PSMD11: variants seen among roughly 807,000 people sequenced by gnomAD.
PSMD11 encodes the protein proteasome 26S subunit, non-ATPase 11, also known as 26S proteasome non-ATPase regulatory subunit 11.
In PSMD11, 5 loss-of-function variants were observed where a neutral mutation model predicts 62.3. The ratio of observed to expected loss-of-function variants is 0.08; its 90% CI spans 0.04 to 0.17. The LOEUF is 0.17. PSMD11 is among the 10% of genes least tolerant of loss of function. The probability of loss-of-function intolerance (pLI) is 1.00; values close to 1 mark genes in which losing one functional copy is unlikely to be tolerated. For synonymous variants in PSMD11, 191 were observed against 191.8 expected (o/e 1.00, Z 0.03); for missense variants, 310 against 512.9 (o/e 0.60, Z 3.82).
chr17:32,448,324 A>G (rs991768616), intron 2 of PSMD11, among the ~76,000 whole-genome samples: 1 of 151,876 alleles, frequency 6.6e-6, no homozygotes, highest in South Asian at 2.1e-4. Context: ...TATAAAAAGA[A>G]CCATCCATAA....
chr17:32,476,623 A>T (rs1417633332), intron 8 of PSMD11: 1 of 152,200 alleles, frequency 6.6e-6, no homozygotes, highest in Non-Finnish European at 1.5e-5. Context: ...ATCTCCCAGA[A>T]AGATGAGTGT....
At chr17:32,470,080 A>C (rs1908118246) in intron 6 of PSMD11, among the ~76,000 whole-genome samples, 1 of 151,272 alleles carries the variant, frequency 6.6e-6, no homozygotes, top group South Asian at 2.1e-4. Context: ...TGGTGCAGTC[A>C]CAGCTTACCA....
chr17:32,462,828 G>A (rs549120928), intron 3 of PSMD11, among the ~76,000 whole-genome samples: 11 of 152,120 alleles, frequency 7.2e-5, no homozygotes, highest in South Asian at 6.2e-4. Context: ...CTGGGATTAC[G>A]ATCATGAGCC....
intron 6 of PSMD11, among the ~76,000 whole-genome samples, chr17:32,472,860 T>A (rs1252899276): frequency 2.8e-5 from 4 of 142,406 alleles, no homozygotes; most frequent in Non-Finnish European, 4.6e-5. Context: ...TTTTTTTTTT[T>A]AAGAGACAAG....
intron 5 of PSMD11, among the ~76,000 whole-genome samples, chr17:32,465,496 G>A (rs1191780549): frequency 6.6e-6 from 1 of 152,124 alleles, no homozygotes; most frequent in Non-Finnish European, 1.5e-5. Flanking sequence ...TTAGGTTGAA[G>A]AGTTTCCAAT....
chr17:32,473,819 A>G lies in PSMD11; in HGVS notation c.662A>G (p.Glu221Gly), dbSNP rs765597793. Residue 221 changes from glutamate (E) to glycine (G), a missense_variant, in exon 7 of 14, where the codon GAA becomes GGA. By Grantham distance (98) the Glu-to-Gly change is moderately conservative. Around this residue, in one of 6 missense-constraint regions of PSMD11, gnomAD observed 47 missense variants for 117.7 expected, o/e 0.40. Transcript: ENST00000261712. The stretch of plus-strand genomic sequence containing the variant: ...TGCCCAGGTATTATCCATGCAGCAG[A>G]AGAGAAGGACTGGAAAACTGCGTAC... The part of the protein sequence containing the change: ...DMQSGIIHAA[E>G]EKDWKTAYSY... The G allele has an allele frequency of 6.2e-7, 1 of 1,613,848 alleles. No homozygotes were observed. Among genetic ancestry groups the G allele is most frequent in the Non-Finnish European group, 8.5e-7 (1 of 1,179,730 alleles).
chr17:32,462,801 C>G (rs1293395658), intron 3 of PSMD11, among the ~76,000 whole-genome samples: 1 of 152,140 alleles, frequency 6.6e-6, no homozygotes, highest in South Asian at 2.1e-4. Flanking sequence ...ATTATTCTAC[C>G]TCAGCCTCCC....
intron 2 of PSMD11, among the ~76,000 whole-genome samples, chr17:32,449,127 A>G (rs1460723988): frequency 6.6e-6 from 1 of 152,162 alleles, no homozygotes; most frequent in Non-Finnish European, 1.5e-5. Context: ...GTTGTTAGCC[A>G]GGCGTGATGG....
At position 32,481,359 on chromosome 17, in the gene PSMD11, A is replaced by G; in HGVS notation, c.*607A>G. ...CCGCCACCACCACCACCACTGCAGC[A>G]ACAACAGCAGCAGCAGCAGCAGCGC... On this transcript the variant is annotated 3_prime_UTR_variant, in exon 14 of 14. Coordinates refer to ENST00000261712, the MANE Select transcript of PSMD11 (RefSeq NM_002815.4). 6.2e-6 allele frequency: 1 copy of G among 162,520 alleles called. No individual in the cohort carries two copies. The highest frequency in any genetic ancestry group is 1.4e-5 in the Non-Finnish European group (1 of 73,818). The allele number at this position is 162,520 out of a possible 1,614,324, so 10.1% of individuals were successfully genotyped here.
In PSMD11 at chr17:32,479,876, A is replaced by G. The variant is rs1190284974; in HGVS notation, c.1064A>G (p.Lys355Arg). ...VQIEHISSLI[K>R]LSKADVERKL... Reference sequence around the variant, plus strand: ...ATTGAACACATATCTAGTCTCATCAAACTCTCCAAGGTAAGGAGTCTTAAG... The same window carrying G: ...ATTGAACACATATCTAGTCTCATCAGACTCTCCAAGGTAAGGAGTCTTAAG... Residue 355 changes from lysine (K) to arginine (R), a missense_variant, in exon 11 of 14, where the codon AAA (lysine) becomes AGA (arginine). Lys to Arg is a conservative substitution (Grantham distance 26). Coordinates refer to ENST00000261712, the MANE Select transcript of PSMD11 (RefSeq NM_002815.4). 18 of 1,613,750 alleles carry G rather than the reference A, an allele frequency of 1.1e-5. No individual in the cohort carries two copies. The highest frequency in any genetic ancestry group is 1.6e-4 in the Middle Eastern group (1 of 6,062).
chr17:32,454,709 G>A, intron 3 of PSMD11, 90 bp downstream of exon 3: 2 of 1,414,266 alleles, frequency 1.4e-6, no homozygotes, highest in Non-Finnish European at 1.9e-6. Flanking sequence ...GTACTAATGT[G>A]GAAGGGAAAA....
chr17:32,445,997 A>G (rs143691276), intron 1 of PSMD11: 2 of 152,354 alleles, frequency 1.3e-5, no homozygotes, highest in African/African-American at 2.4e-5. Context: ...TGTGAGGAGC[A>G]TGAATTTTAA....
In PSMD11 at chr17:32,468,227, C is replaced by G. The variant is rs190478846; in HGVS notation, c.449-772C>G. ...TGGGCATTTAGGTTTATTTTTTATT[C>G]TGTATACAAGTCCCTTACCAGATAC... On this transcript the variant is annotated intron_variant, in intron 5 of 13. Transcript: ENST00000261712. 2.2e-4 allele frequency among the ~76,000 whole-genome samples: 33 copies of G among 152,136 alleles called. No homozygotes were observed. In the East Asian group the frequency reaches 6.2e-3, roughly 28 times the overall value.
At chr17:32,464,146 C>T (rs1373389547) in intron 4 of PSMD11, 26 bp downstream of exon 4, 1 of 1,584,672 alleles carries the variant, frequency 6.3e-7, no homozygotes, top group Admixed American at 1.7e-5. Context: ...GTACTCATTT[C>T]AGGTCTCTAA....
At chr17:32,475,767 T>A (rs1308754689) in intron 8 of PSMD11, among the ~76,000 whole-genome samples, 4 of 151,902 alleles carry the variant, frequency 2.6e-5, no homozygotes, top group Non-Finnish European at 2.9e-5. Context: ...CCCGGCTAAT[T>A]TTTTGTAGTA....
chr17:32,446,221 G>C (rs1051547324), intron 1 of PSMD11, among the ~76,000 whole-genome samples: 1 of 152,180 alleles, frequency 6.6e-6, no homozygotes, highest in Non-Finnish European at 1.5e-5. Flanking sequence ...TGTAAGAGTA[G>C]TAGTAACTAG....
chr17:32,479,862 A>G lies in PSMD11; in HGVS notation c.1050A>G (p.Ile350Met). ...EPFSRVQIEH[I>M]SSLIKLSKAD... is the part of the protein sequence containing the mutation. ...GCCTTTCCTTTTAGATTGAACACAT[A>G]TCTAGTCTCATCAAACTCTCCAAGG... Residue 350 changes from isoleucine (I) to methionine (M), a missense_variant, in exon 11 of 14, where the codon ATA becomes ATG. Transcript: ENST00000261712. 1 of 1,613,726 alleles carries G rather than the reference A, an allele frequency of 6.2e-7. No individual in the cohort carries two copies. Among genetic ancestry groups the G allele is most frequent in the Non-Finnish European group, 8.5e-7 (1 of 1,179,662 alleles).
intron 2 of PSMD11, among the ~76,000 whole-genome samples, chr17:32,451,415 C>T (rs1907495766): frequency 6.6e-6 from 1 of 152,134 alleles, no homozygotes. Context: ...TAGGCTCTAA[C>T]AGTTTCTTTT....
At chr17:32,479,829 G>A in intron 10 of PSMD11, 22 bp from the exon 11 acceptor site, 2 of 1,612,142 alleles carry the variant, frequency 1.2e-6, no homozygotes, top group Non-Finnish European at 1.7e-6. Context: ...CAGTGTTGGT[G>A]TCTCTCTGCC....
Sources: gnomAD v4.1 joint callset for allele counts (sites outside exome capture counted in the v4.1 genomes callset) on GRCh38, gnomAD v4.1.1 for gene constraint, gnomAD v4.1.1 regional missense constraint, MANE v1.5 for transcripts, NCBI Gene and HGNC (gene_info 2026-07-23, HGNC 2026-07-21) for gene names.